OS9: variants seen among roughly 807,000 people sequenced by gnomAD.
OS9 encodes the protein protein OS-9.
In OS9, 58 loss-of-function variants were observed where a neutral mutation model predicts 84.7. The ratio of observed to expected loss-of-function variants is 0.68; its 90% confidence interval spans 0.55 to 0.85. The LOEUF (loss-of-function observed/expected upper bound fraction) is 0.85, where lower values mean the gene tolerates loss of function less well. Ranked by LOEUF, OS9 falls within the 40% of genes least tolerant of loss-of-function variation. The pLI is 0.00. For missense variants in OS9, 760 were observed against 850.9 expected (o/e 0.89, Z 1.33); for synonymous variants, 278 against 320.8 (o/e 0.87, Z 1.43).
intron 1 of OS9, 139 bp downstream of exon 1, chr12:57,694,462 TG>T: frequency 1.1e-6 from 1 of 945,934 alleles, no homozygotes; most frequent in South Asian, 1.6e-5. Flanking sequence ...CGGTGACCCC[TG>T]GGGGTCGCAG....
At chr12:57,702,200 CTACTAT>C (rs1954046351) in intron 5 of OS9, among the ~76,000 whole-genome samples, 1 of 152,188 alleles carries the variant, frequency 6.6e-6, no homozygotes, top group Non-Finnish European at 1.5e-5. Context: ...ATCACCATCA[CTACTAT>C]TTCCAAAACT....
Position 57,719,248 on chromosome 12 carries a change from C to T in OS9, c.1600+66C>T, listed in dbSNP as rs1401734793. ...TTTTCATCCCTCAGCTGGTTCTGTT[C>T]CCAGAGGGGACCCTGTTCCTTCCCT... is the stretch of plus-strand genomic sequence containing the variant. On this transcript the variant is annotated intron_variant, in intron 12 of 14. Transcript: ENST00000315970. The T allele has an allele frequency of 8.6e-6, 12 of 1,398,562 alleles. No individual in the cohort carries two copies. The African/African-American group carries it at 1.6e-4, about 18-fold the overall frequency. 86.6% of individuals were successfully genotyped at this position (1,398,562 alleles called of 1,614,324 possible).
At position 57,718,193 on chromosome 12, in the gene OS9, A is replaced by C. The variant is rs1413111595; in HGVS notation, c.1182A>C (p.Glu394Asp). Reference protein sequence around the residue: ...GQEQPVDDAAEVPQREPEKER... With the variant: ...GQEQPVDDAADVPQREPEKER... ...AGCAGCCTGTGGATGATGCTGCAGA[A>C]GTCCCTCAGAGGGAACCAGAGAAGG... The change falls in exon 11 of 15, where the codon GAA (glutamate) becomes GAC (aspartate). Residue 394 changes from glutamate to aspartate, a missense_variant. By Grantham distance (45) the Glu-to-Asp change is conservative. Transcript: ENST00000315970. 1 of 1,614,058 alleles carries C rather than the reference A, an allele frequency of 6.2e-7. No homozygotes were observed. The highest frequency in any genetic ancestry group is 8.5e-7 in the Non-Finnish European group (1 of 1,180,040).
intron 5 of OS9, among the ~76,000 whole-genome samples, chr12:57,713,860 C>T (rs1954403177): frequency 6.6e-6 from 1 of 151,978 alleles, no homozygotes; most frequent in Non-Finnish European, 1.5e-5. Flanking sequence ...CATGGTGGCT[C>T]ACACCTGTAA....
intron 5 of OS9, among the ~76,000 whole-genome samples, chr12:57,697,918 C>CAGA (rs1953904473): frequency 1.3e-5 from 1 of 76,350 alleles, no homozygotes; most frequent in Non-Finnish European, 2.8e-5. Flanking sequence ...AACACACACA[C>CAGA]ACACATACAC....
At chr12:57,705,590 G>C (rs908551791) in intron 5 of OS9, among the ~76,000 whole-genome samples, 1 of 151,894 alleles carries the variant, frequency 6.6e-6, no homozygotes, top group South Asian at 2.1e-4. Context: ...GCTGGGGTGC[G>C]ATCTTGGCTC....
intron 5 of OS9, among the ~76,000 whole-genome samples, chr12:57,700,366 G>A (rs1359118225): frequency 1.3e-5 from 2 of 152,026 alleles, no homozygotes; most frequent in African/African-American, 4.8e-5. Context: ...CAGAACCCTG[G>A]GAGAGCAATT....
chr12:57,698,982 C>T (rs1287663196), intron 5 of OS9, among the ~76,000 whole-genome samples: 1 of 152,144 alleles, frequency 6.6e-6, no homozygotes, highest in Admixed American at 6.6e-5. Context: ...CTCACTTAGG[C>T]AGCTGTGGTA....
At chr12:57,711,507 C>T (rs148124872) in intron 5 of OS9, among the ~76,000 whole-genome samples, 14 of 152,118 alleles carry the variant, frequency 9.2e-5, no homozygotes, top group African/African-American at 3.4e-4. Flanking sequence ...CCACCACACC[C>T]AGCTAATTTT....
intron 5 of OS9, among the ~76,000 whole-genome samples, chr12:57,711,345 T>A (rs1565776178): frequency 7.5e-6 from 1 of 132,910 alleles, no homozygotes; most frequent in Non-Finnish European, 1.6e-5. Context: ...TATCTTTTTT[T>A]TTTTTTTTTT....
At chr12:57,708,275 G>T (rs908498673) in intron 5 of OS9, among the ~76,000 whole-genome samples, 1 of 97,118 alleles carries the variant, frequency 1.0e-5, no homozygotes, top group Non-Finnish European at 2.7e-5. Flanking sequence ...TATACTCTGA[G>T]ATTTTTTTAA....
chr12:57,698,543 A>G (rs1357011440), intron 5 of OS9, among the ~76,000 whole-genome samples: 2 of 152,208 alleles, frequency 1.3e-5, no homozygotes, highest in Non-Finnish European at 1.5e-5. Flanking sequence ...CCCGCAGGGG[A>G]GCACACAGTC....
intron 5 of OS9, 75 bp from the exon 6 acceptor site, chr12:57,715,685 A>G (rs1954463706): frequency 1.9e-6 from 2 of 1,078,178 alleles, no homozygotes; most frequent in African/African-American, 3.1e-5. Flanking sequence ...AGTGCTTAGT[A>G]AAAGACACCT....
Position 57,716,111 on chromosome 12 carries a change from T to TA in OS9, c.814dup (p.Ile272AsnfsTer15). ...CAGTAGACTCAAAGCAGTATGGAGA[T>TA]AAAATCATAGAGGAGCTGCAAGATC... On this transcript the variant is annotated frameshift_variant, in exon 7 of 15. Transcript: ENST00000315970. LOFTEE classifies it high-confidence loss of function. The TA allele has an allele frequency of 6.2e-7, 1 of 1,613,620 alleles. No homozygotes were observed. The highest frequency in any genetic ancestry group is 2.2e-5 in the East Asian group (1 of 44,870).
chr12:57,700,770 AGT>A (rs1030135467), intron 5 of OS9, among the ~76,000 whole-genome samples: 2 of 151,874 alleles, frequency 1.3e-5, no homozygotes, highest in Admixed American at 1.3e-4. Flanking sequence ...CAGTAGAAAA[AGT>A]GAGAAAAAAA....
Position 57,695,626 on chromosome 12 carries a change from A to G in OS9, c.340-154A>G, listed in dbSNP as rs748028561. ...AGAAGGAAAGCAGCCCTCCCTCCTTACTGAAAGTCTGGAGAATTGAGAGTG... is the reference window on the plus strand; with the variant it reads ...AGAAGGAAAGCAGCCCTCCCTCCTTGCTGAAAGTCTGGAGAATTGAGAGTG... On this transcript the variant is annotated intron_variant, in intron 2 of 14. Coordinates refer to ENST00000315970, the MANE Select transcript of OS9 (RefSeq NM_006812.4). The G allele has an allele frequency of 4.2e-5, 30 of 721,304 alleles. No homozygotes were observed. In the South Asian group the frequency reaches 4.4e-4, roughly 11 times the overall value. 44.7% of individuals were successfully genotyped at this position (721,304 alleles called of 1,614,324 possible).
At chr12:57,694,948 A>C (rs760128785) in intron 2 of OS9, 22 bp downstream of exon 2, 1 of 1,610,324 alleles carries the variant, frequency 6.2e-7, no homozygotes, top group South Asian at 1.1e-5. Flanking sequence ...TGGGTTAGAT[A>C]GAATGAGGGC....
At position 57,717,278 on chromosome 12, in the gene OS9, C is replaced by T. The variant is rs7134837; in HGVS notation, c.1045+534C>T. Among the ~76,000 whole-genome samples, 3 of 152,298 alleles carry T rather than the reference C, an allele frequency of 2.0e-5. No homozygotes were observed. In the South Asian group the frequency reaches 6.2e-4, roughly 32 times the overall value. On this transcript the variant is annotated intron_variant, in intron 9 of 14. Coordinates refer to ENST00000315970, the MANE Select transcript of OS9 (RefSeq NM_006812.4). ...ACCTTAGGATGGTGCTCTCTGCAGGCGAATATTTGCCCTTGTCTCACTGTC... is the reference window on the plus strand; with the variant it reads ...ACCTTAGGATGGTGCTCTCTGCAGGTGAATATTTGCCCTTGTCTCACTGTC...
intron 10 of OS9, 82 bp downstream of exon 10, chr12:57,718,040 C>A: frequency 6.6e-7 from 1 of 1,511,280 alleles, no homozygotes. Flanking sequence ...TGGGACTCAA[C>A]TCCTGGGTCC....
Sources: allele counts gnomAD v4.1 joint callset (sites outside exome capture counted in the v4.1 genomes callset), GRCh38; gene constraint gnomAD v4.1.1; transcripts MANE v1.5; gene names NCBI Gene and HGNC (gene_info 2026-07-23, HGNC 2026-07-21).